DYSF: variants seen among roughly 807,000 people sequenced by gnomAD.
DYSF encodes the protein dystrophy-associated fer-1-like 1.
Under a neutral mutation model 274.9 loss-of-function variants are expected in DYSF, and 212 were observed. The observed-to-expected ratio is 0.77, with a 90% CI of 0.69 to 0.86. The LOEUF (loss-of-function observed/expected upper bound fraction) is 0.86, where lower values mean the gene tolerates loss of function less well. Among genes scored for constraint, DYSF ranks in the 40% least tolerant of loss-of-function variants. The probability of loss-of-function intolerance (pLI) is 0.00; values close to 1 mark genes in which losing one functional copy is unlikely to be tolerated. For synonymous variants in DYSF, 1,091 were observed against 1,078.7 expected, an observed-to-expected ratio of 1.01 and a Z score of -0.22; for missense variants, 2,666 against 2,783.2, an observed-to-expected ratio of 0.96 and a Z score of 0.95.
intron 41 of DYSF, among the ~76,000 whole-genome samples, chr2:71,640,824 T>C (rs1396195217): frequency 1.3e-5 from 2 of 152,200 alleles, no homozygotes; most frequent in African/African-American, 4.8e-5. Context: ...CATCTTTTTC[T>C]ATGCTGTGGA....
chr2:71,662,746 C>T (rs1033360590), intron 45 of DYSF, among the ~76,000 whole-genome samples: 25 of 116,348 alleles, frequency 2.1e-4, no homozygotes, highest in African/African-American at 5.7e-4. Context: ...TATATGTGTG[C>T]GTGTATGTGC....
chr2:71,526,311 G>T lies in DYSF; in HGVS notation c.1241G>T (p.Cys414Phe), dbSNP rs770578593. The change falls in exon 13 of 56, where the codon TGC becomes TTC. Residue 414 changes from cysteine (C) to phenylalanine (F), a missense_variant. Physicochemically the swap from Cys to Phe is radical, Grantham distance 205 (BLOSUM62 -2). Around this residue, in one of 3 missense-constraint regions of DYSF, gnomAD observed 794 missense variants for 777.1 expected, o/e 1.02. Transcript: ENST00000410020. The part of the protein sequence containing the change: ...TGVALRGAHF[C>F]LKVFRAEDLP... ...GTAGCCCTGCGAGGAGCCCACTTCT[G>T]CCTGAAGGTCTTCCGGGCCGAGGAC... 1 of 1,613,938 alleles carries T rather than the reference G, an allele frequency of 6.2e-7. No individual in the cohort carries two copies. Among genetic ancestry groups the T allele is most frequent in the Non-Finnish European group, 8.5e-7 (1 of 1,179,906 alleles).
chr2:71,674,036 A>G (rs1270690318), intron 51 of DYSF, among the ~76,000 whole-genome samples, 161 bp from the exon 52 acceptor site: 4 of 152,012 alleles, frequency 2.6e-5, no homozygotes, highest in Non-Finnish European at 5.9e-5. Context: ...GCCTTCTGGG[A>G]TCTGTCCTTC....
intron 10 of DYSF, among the ~76,000 whole-genome samples, chr2:71,518,388 C>T (rs1033732534): frequency 6.6e-6 from 1 of 150,652 alleles, no homozygotes; most frequent in South Asian, 2.1e-4. Context: ...TCCCCAGTAG[C>T]TGGGATTAGA....
rs749127704 is a variant in DYSF at position 71,681,114 on chromosome 2, A to G, written c.6173+4A>G. The stretch of plus-strand genomic sequence containing the variant: ...ACCCTAAGCTTGAGGACCCAAGGTC[A>G]GTGCCCAGCCCCTGAGCCCCAATGC... On this transcript the variant is annotated splice_donor_region_variant and intron_variant, in intron 54 of 55. Coordinates refer to ENST00000410020, the MANE Select transcript of DYSF (RefSeq NM_001130987.2). 1 of 1,613,522 alleles carries G rather than the reference A, an allele frequency of 6.2e-7. No individual in the cohort carries two copies. The highest frequency in any genetic ancestry group is 8.5e-7 in the Non-Finnish European group (1 of 1,179,894).
chr2:71,671,526 G>A (rs1423481205), intron 51 of DYSF, among the ~76,000 whole-genome samples: 1 of 152,232 alleles, frequency 6.6e-6, no homozygotes, highest in Non-Finnish European at 1.5e-5. Flanking sequence ...AGGTGGGACA[G>A]CCCCTTCCTC....
At chr2:71,528,210 C>T (rs953578652) in intron 13 of DYSF, 88 bp from the exon 14 acceptor site, 16 of 1,214,134 alleles carry the variant, frequency 1.3e-5, no homozygotes, top group Non-Finnish European at 1.8e-5. Context: ...CAGGTAGTCC[C>T]AGGACTGCCT....
intron 4 of DYSF, among the ~76,000 whole-genome samples, chr2:71,504,199 G>T (rs1176518118): frequency 6.6e-6 from 1 of 152,176 alleles, no homozygotes. Context: ...GTCAGTGGCT[G>T]TTCCCATGGG....
At chr2:71,636,411 A>G (rs2094403424) in intron 41 of DYSF, among the ~76,000 whole-genome samples, 1 of 152,160 alleles carries the variant, frequency 6.6e-6, no homozygotes, top group African/African-American at 2.4e-5. Context: ...GGTTCTGAGT[A>G]TACACTGGAG....
At chr2:71,498,139 G>C (rs1369794550) in intron 3 of DYSF, among the ~76,000 whole-genome samples, 2 of 152,012 alleles carry the variant, frequency 1.3e-5, no homozygotes, top group African/African-American at 2.4e-5. Context: ...TTGTTATCTT[G>C]TCATGCTTCA....
chr2:71,486,534 A>G (rs1037740922), intron 3 of DYSF, among the ~76,000 whole-genome samples: 1 of 151,904 alleles, frequency 6.6e-6, no homozygotes, highest in Non-Finnish European at 1.5e-5. Context: ...TTCCCTGATG[A>G]TCACTGGCAG....
chr2:71,669,294 T>G, intron 50 of DYSF, 87 bp downstream of exon 50: 1 of 1,202,918 alleles, frequency 8.3e-7, no homozygotes, highest in African/African-American at 1.5e-5. Context: ...GGGCTCTGGC[T>G]CAGGGAAGGG....
intron 41 of DYSF, among the ~76,000 whole-genome samples, chr2:71,634,714 T>C (rs972952953): frequency 5.3e-5 from 8 of 152,240 alleles, no homozygotes; most frequent in African/African-American, 1.9e-4. Context: ...CTGGGCTTTC[T>C]ATCTTCCTCC....
chr2:71,464,870 G>A (rs550324992), upstream of DYSF, among the ~76,000 whole-genome samples: 57 of 152,254 alleles, frequency 3.7e-4, no homozygotes, highest in Non-Finnish European at 6.0e-4. Context: ...GCTTCCACTG[G>A]GGGCAGTTAC....
At chr2:71,686,347 G>A in intron 55 of DYSF, 107 bp from the exon 56 acceptor site, 5 of 1,419,420 alleles carry the variant, frequency 3.5e-6, no homozygotes, top group Non-Finnish European at 5.0e-6. Flanking sequence ...CCTCTTGCCT[G>A]TTGGCAGCTT....
rs138482561 is a variant in DYSF, at chr2:71,556,984, T to C, written c.2216+913T>C. Among the ~76,000 whole-genome samples, 411 of 152,308 alleles carry C rather than the reference T, an allele frequency of 2.7e-3. 2 individuals carry two copies. The highest frequency in any genetic ancestry group is 9.3e-3 in the African/African-American group (387 of 41,562). On this transcript the variant is annotated intron_variant, in intron 22 of 55. Transcript: ENST00000410020. The stretch of plus-strand genomic sequence containing the variant: ...ACTGATCCAGCATCCCTTCTATTGT[T>C]TGTGGCTCAGTTAGGAAGTGTATCT...
chr2:71,632,369 G>T (rs529143737), intron 41 of DYSF, among the ~76,000 whole-genome samples: 30 of 152,198 alleles, frequency 2.0e-4, no homozygotes, highest in Non-Finnish European at 2.9e-4. Context: ...ATGTGATTTT[G>T]TATATGAAAA....
chr2:71,663,673 G>A (rs2152949744), intron 45 of DYSF, among the ~76,000 whole-genome samples: 1 of 152,362 alleles, frequency 6.6e-6, no homozygotes, highest in African/African-American at 2.4e-5. Flanking sequence ...GGTAGATGGA[G>A]TTCTCAGATA....
At chr2:71,507,824 T>A (rs12468750) in intron 4 of DYSF, among the ~76,000 whole-genome samples, 78,759 of 152,174 alleles carry the variant, frequency 0.52, 21,283 homozygotes, top group Non-Finnish European at 0.58. Flanking sequence ...TTAATTCTCT[T>A]CTGTTTCCAT....
Sources: gnomAD v4.1 joint callset for allele counts (sites outside exome capture counted in the v4.1 genomes callset) on GRCh38, gnomAD v4.1.1 for gene constraint, gnomAD v4.1.1 regional missense constraint, MANE v1.5 for transcripts, NCBI Gene and HGNC (gene_info 2026-07-23, HGNC 2026-07-21) for gene names.